The following RBFOX1 variants were observed in gnomAD, a reference collection of about 807,000 sequenced individuals.
RBFOX1 encodes the protein RNA binding fox-1 homolog 1, also known as RNA binding protein fox-1 homolog 1.
Under a neutral mutation model 57.7 loss-of-function variants are expected in RBFOX1, and 8 were observed. The observed-to-expected ratio is 0.14, with a 90% CI of 0.08 to 0.25. The LOEUF (loss-of-function observed/expected upper bound fraction) is 0.25, where lower values mean the gene tolerates loss of function less well. Among genes scored for constraint, RBFOX1 ranks in the 10% least tolerant of loss-of-function variants. RBFOX1 has a pLI of 1.00. For missense variants in RBFOX1, 611 were observed against 548.5 expected (o/e 1.11, Z -1.14); for synonymous variants, 326 against 222.4 (o/e 1.47, Z -4.15).
chr16:6,931,157 A>T (rs766901390), intron 3 of RBFOX1, among the ~76,000 whole-genome samples: 2 of 151,876 alleles, frequency 1.3e-5, no homozygotes, highest in Non-Finnish European at 2.9e-5. Flanking sequence ...GAACACATTG[A>T]CCTTTCTTTA....
intron 2 of RBFOX1, among the ~76,000 whole-genome samples, chr16:6,425,316 A>G (rs1436572844): frequency 6.6e-6 from 1 of 152,170 alleles, no homozygotes; most frequent in African/African-American, 2.4e-5. Flanking sequence ...GCTAAGCTGA[A>G]GGAGGAATAC....
At chr16:6,299,009 G>C (rs778327145) in intron 1 of RBFOX1, among the ~76,000 whole-genome samples, 1 of 152,126 alleles carries the variant, frequency 6.6e-6, no homozygotes, top group African/African-American at 2.4e-5. Flanking sequence ...CCCTTTCCTC[G>C]TGCTATTTCT....
chr16:7,648,590 A>C (rs1237237753), intron 11 of RBFOX1, among the ~76,000 whole-genome samples: 2 of 152,164 alleles, frequency 1.3e-5, no homozygotes, highest in Non-Finnish European at 2.9e-5. Context: ...AAGAGTTTGG[A>C]ATTATCAAGA....
At chr16:5,403,809 G>A (rs1047285486) in intron 1 of RBFOX1, among the ~76,000 whole-genome samples, 12 of 152,124 alleles carry the variant, frequency 7.9e-5, no homozygotes, top group African/African-American at 2.9e-4. Flanking sequence ...TCTATTCAGT[G>A]ATTTCCTGCC....
At chr16:6,676,715 C>T (rs1246851754) in intron 3 of RBFOX1, among the ~76,000 whole-genome samples, 1 of 144,322 alleles carries the variant, frequency 6.9e-6, no homozygotes, top group East Asian at 2.0e-4. Flanking sequence ...CACTCTTGTC[C>T]CCCAGGCTGG....
Position 6,964,574 on chromosome 16 carries a change from C to G in RBFOX1, c.-15-87483C>G, listed in dbSNP as rs995177700. Among the ~76,000 whole-genome samples the G allele has an allele frequency of 1.1e-4, 16 of 152,096 alleles. 1 individual carries two copies. Among genetic ancestry groups the G allele is most frequent in the African/African-American group, 3.9e-4 (16 of 41,410 alleles). Reference sequence around the variant, plus strand: ...GCCAGTGAGGGTATATGGGGAATCTCTTTATACTTGCTGAATTTTCTGTGA... The same window carrying G: ...GCCAGTGAGGGTATATGGGGAATCTGTTTATACTTGCTGAATTTTCTGTGA... On this transcript the variant is annotated intron_variant, in intron 3 of 15. Transcript: ENST00000550418.
chr16:7,175,003 T>A (rs567900590), intron 4 of RBFOX1, among the ~76,000 whole-genome samples: 1 of 152,290 alleles, frequency 6.6e-6, no homozygotes, highest in South Asian at 2.1e-4. Context: ...TGTCTAATGA[T>A]GTTGAGCATC....
chr16:7,649,825 G>A (rs974847161), intron 11 of RBFOX1, among the ~76,000 whole-genome samples: 2 of 152,132 alleles, frequency 1.3e-5, no homozygotes, highest in Non-Finnish European at 2.9e-5. Flanking sequence ...TCATTTCTGT[G>A]ACTCAAGCTA....
chr16:7,225,844 G>A (rs1025473925), intron 4 of RBFOX1, among the ~76,000 whole-genome samples: 3 of 147,916 alleles, frequency 2.0e-5, no homozygotes, highest in Non-Finnish European at 3.0e-5. Context: ...CATGGCATAT[G>A]TATACATATG....
At chr16:6,351,200 T>C (rs564207004) in intron 2 of RBFOX1, among the ~76,000 whole-genome samples, 21 of 151,872 alleles carry the variant, frequency 1.4e-4, no homozygotes, top group Non-Finnish European at 3.1e-4. Flanking sequence ...AATATTTTCA[T>C]GTGTGCGGAT....
At chr16:6,675,137 C>G (rs562553571) in intron 3 of RBFOX1, among the ~76,000 whole-genome samples, 14 of 152,094 alleles carry the variant, frequency 9.2e-5, no homozygotes, top group African/African-American at 3.4e-4. Context: ...ATCTCTTGAC[C>G]TCGTGATCCG....
intron 4 of RBFOX1, among the ~76,000 whole-genome samples, chr16:5,942,806 C>G (rs1175533799): frequency 6.6e-6 from 1 of 152,158 alleles, no homozygotes; most frequent in Non-Finnish European, 1.5e-5. Context: ...GTATTAAATA[C>G]TTTTTGCAAA....
chr16:5,958,010 A>C (rs1478010177), intron 4 of RBFOX1, among the ~76,000 whole-genome samples: 1 of 151,800 alleles, frequency 6.6e-6, no homozygotes, highest in Non-Finnish European at 1.5e-5. Flanking sequence ...TCTACTCTCT[A>C]TGTCCATATG....
chr16:6,996,767 A>G (rs958601879), intron 3 of RBFOX1, among the ~76,000 whole-genome samples: 1 of 152,134 alleles, frequency 6.6e-6, no homozygotes, highest in African/African-American at 2.4e-5. Flanking sequence ...CATGTCAGAT[A>G]GAGGGATTTA....
At chr16:6,114,311 T>A (rs1269825179) in intron 1 of RBFOX1, among the ~76,000 whole-genome samples, 1 of 152,212 alleles carries the variant, frequency 6.6e-6, no homozygotes, top group African/African-American at 2.4e-5. Context: ...GTTACAGTCT[T>A]TGAGGAATTT....
chr16:6,973,925 C>G (rs1262558578), intron 3 of RBFOX1, among the ~76,000 whole-genome samples: 1 of 152,108 alleles, frequency 6.6e-6, no homozygotes, highest in African/African-American at 2.4e-5. Flanking sequence ...CCCTAATGCT[C>G]GTCCCCTCCA....
intron 3 of RBFOX1, among the ~76,000 whole-genome samples, chr16:5,748,905 C>T (rs1297270371): frequency 6.6e-6 from 1 of 152,088 alleles, no homozygotes; most frequent in Non-Finnish European, 1.5e-5. Flanking sequence ...GAATTTGTTC[C>T]TGTCATTATG....
At chr16:5,517,253 G>A (rs1227235838) in intron 2 of RBFOX1, among the ~76,000 whole-genome samples, 2 of 151,898 alleles carry the variant, frequency 1.3e-5, no homozygotes, top group Non-Finnish European at 2.9e-5. Flanking sequence ...ATGTAGATCT[G>A]GGAAATCAGC....
At chr16:5,763,726 C>T (rs1365181064) in intron 3 of RBFOX1, among the ~76,000 whole-genome samples, 2 of 152,168 alleles carry the variant, frequency 1.3e-5, no homozygotes, top group African/African-American at 2.4e-5. Flanking sequence ...GAGGTTCAAC[C>T]GACTGTGGTA....
Sources: gnomAD v4.1 joint callset for allele counts (sites outside exome capture counted in the v4.1 genomes callset) on GRCh38, gnomAD v4.1.1 for gene constraint, MANE v1.5 for transcripts, NCBI Gene and HGNC (gene_info 2026-07-23, HGNC 2026-07-21) for gene names.